Variants in SETD2 observed in about 807,000 individuals in gnomAD.
The protein encoded by SETD2 is histone-lysine N-methyltransferase SETD2.
Under a neutral mutation model 242.1 loss-of-function variants are expected in SETD2, and 31 were observed. That is an observed-to-expected ratio of 0.13 (90% CI 0.10 to 0.17). The LOEUF (loss-of-function observed/expected upper bound fraction) is 0.17. Ranked by LOEUF, SETD2 falls within the 10% of genes least tolerant of loss-of-function variation. The pLI is 1.00. For synonymous variants in SETD2, 1,006 were observed against 1,066.5 expected (o/e 0.94, Z 1.11); for missense variants, 2,481 against 3,046.3 (o/e 0.81, Z 4.37).
chr3:47,061,270 A>G (rs778917010), intron 14 of SETD2, among the ~76,000 whole-genome samples: 1 of 152,204 alleles, frequency 6.6e-6, no homozygotes, highest in African/African-American at 2.4e-5. Flanking sequence ...ATACAAACCT[A>G]TAGTAACCAA....
rs371777668 is a variant in SETD2 at position 47,121,654 on chromosome 3, A to T, written c.2982T>A (p.Asp994Glu). 33 of 1,613,412 alleles carry T rather than the reference A, an allele frequency of 2.0e-5. No homozygotes were observed. Among genetic ancestry groups the T allele is most frequent in the Non-Finnish European group, 2.7e-5 (32 of 1,179,402 alleles). ...AAGAAGAAAATACAACTTCTGAGTCATCAGAAGTATGCACATGTCCTCCTT... is the reference window on the plus strand; with the variant it reads ...AAGAAGAAAATACAACTTCTGAGTCTTCAGAAGTATGCACATGTCCTCCTT... ...RGEGGHVHTS[D>E]DSEVVFSSCD... The change falls in exon 3 of 21, where the codon GAT becomes GAA. Residue 994 changes from aspartate (D) to glutamate (E), a missense_variant. Physicochemically the swap from Asp to Glu is conservative, Grantham distance 45. This residue lies in a region of SETD2 where 1,300 missense variants were observed against 1,259.2 expected (regional missense o/e 1.03). Transcript: ENST00000409792.
rs561582497 is a variant in SETD2, at chr3:47,092,604, C to T, written c.5143-4357G>A. Among the ~76,000 whole-genome samples the T allele has an allele frequency of 5.3e-5, 8 of 150,892 alleles. No homozygotes were observed. The South Asian group carries it at 1.7e-3, about 32-fold the overall frequency. On this transcript the variant is annotated intron_variant, in intron 9 of 20. Transcript: ENST00000409792. ...CATATATATGCACAATTCTATAGTA[C>T]TTGAAAATGTATTAAGTACCTAATC...
chr3:47,161,131 C>A (rs1230801317), intron 1 of SETD2, among the ~76,000 whole-genome samples: 1 of 152,150 alleles, frequency 6.6e-6, no homozygotes, highest in Non-Finnish European at 1.5e-5. Flanking sequence ...AGCCATGTTG[C>A]CCACCTAGTC....
At chr3:47,108,140 T>C (rs972352071) in intron 5 of SETD2, among the ~76,000 whole-genome samples, 1 of 151,870 alleles carries the variant, frequency 6.6e-6, no homozygotes, top group Non-Finnish European at 1.5e-5. Flanking sequence ...TTAAAAAATG[T>C]TTTAAAACAT....
chr3:47,070,182 C>T (rs191634720), intron 12 of SETD2, among the ~76,000 whole-genome samples: 8 of 152,262 alleles, frequency 5.3e-5, no homozygotes. Context: ...CCACCAGAAA[C>T]GCTTCTCAAA....
Position 47,121,014 on chromosome 3 carries a change from CAGA to C in SETD2, c.3619_3621del (p.Ser1207del), listed in dbSNP as rs1559742851. ...GACTTATTTGGGACATCTTCAAAATCAGAAGAATAAATTGGCAGCTCTTCTTGC... is the reference window on the plus strand; with the variant it reads ...GACTTATTTGGGACATCTTCAAAATCAGAATAAATTGGCAGCTCTTCTTGC... On this transcript the variant is annotated inframe_deletion, in exon 3 of 21. Transcript: ENST00000409792. 2 of 1,614,178 alleles carry C rather than the reference CAGA, an allele frequency of 1.2e-6. No homozygotes were observed. Among genetic ancestry groups the C allele is most frequent in the Admixed American group, 1.7e-5 (1 of 60,022 alleles).
chr3:47,102,674 A>C (rs2042261209), intron 7 of SETD2, among the ~76,000 whole-genome samples: 1 of 150,872 alleles, frequency 6.6e-6, no homozygotes, highest in African/African-American at 2.4e-5. Context: ...CGCACGTGTA[A>C]TCCCAGCTAC....
At chr3:47,045,593 G>A (rs1372964233) in intron 16 of SETD2, among the ~76,000 whole-genome samples, 15 of 148,938 alleles carry the variant, frequency 1.0e-4, no homozygotes, top group Non-Finnish European at 3.0e-5. Context: ...AGCTACTCAG[G>A]AGGCTGAGAC....
At chr3:47,151,528 T>C (rs772575994) in intron 1 of SETD2, among the ~76,000 whole-genome samples, 1 of 152,082 alleles carries the variant, frequency 6.6e-6, no homozygotes, top group African/African-American at 2.4e-5. Context: ...GACACCATCA[T>C]GATCTTCTCT....
At chr3:47,159,437 CAT>C (rs1175848162) in intron 1 of SETD2, among the ~76,000 whole-genome samples, 2 of 152,220 alleles carry the variant, frequency 1.3e-5, no homozygotes, top group African/African-American at 4.8e-5. Flanking sequence ...TCCTCTCTCA[CAT>C]GTCATATTAG....
intron 3 of SETD2, among the ~76,000 whole-genome samples, chr3:47,119,169 G>T (rs904721131): frequency 6.6e-6 from 1 of 152,122 alleles, no homozygotes; most frequent in East Asian, 1.9e-4. Context: ...TTTTGTTTTG[G>T]TTTTTTAAGC....
chr3:47,066,638 C>G (rs555656247), intron 13 of SETD2, among the ~76,000 whole-genome samples: 3 of 151,932 alleles, frequency 2.0e-5, no homozygotes, highest in African/African-American at 7.3e-5. Context: ...TGTGAGCCAC[C>G]CTGCCCAGCT....
intron 12 of SETD2, among the ~76,000 whole-genome samples, chr3:47,074,640 A>G (rs574743240): frequency 9.9e-5 from 15 of 152,238 alleles, no homozygotes; most frequent in Non-Finnish European, 2.1e-4. Context: ...AGCTAAGAGT[A>G]GGAGCCCTCC....
At chr3:47,137,532 T>C (rs1009867697) in intron 1 of SETD2, among the ~76,000 whole-genome samples, 1 of 152,136 alleles carries the variant, frequency 6.6e-6, no homozygotes, top group Non-Finnish European at 1.5e-5. Context: ...GTTTATTTTT[T>C]ATTTATAAAT....
At position 47,146,015 on chromosome 3, in the gene SETD2, C is replaced by CAAAAA. The variant is rs1171574770; in HGVS notation, c.71+17834_71+17838dup. ...TGGGTGACAGAGCGAGACCCTGTCT[C>CAAAAA]AAAAAAAAAAAAAAAAAAAAAAAAA... On this transcript the variant is annotated intron_variant, in intron 1 of 20. Coordinates refer to ENST00000409792, the MANE Select transcript of SETD2 (RefSeq NM_014159.7). 7.0e-3 allele frequency among the ~76,000 whole-genome samples: 269 copies of CAAAAA among 38,654 alleles called. 50 individuals carry two copies. The highest frequency in any genetic ancestry group is 6.3e-3 in the Non-Finnish European group (157 of 24,830). The allele number at this position is 38,654 out of a possible 152,430, so 25.4% of individuals were successfully genotyped here.
At chr3:47,131,986 C>G (rs1446186089) in intron 1 of SETD2, among the ~76,000 whole-genome samples, 1 of 151,276 alleles carries the variant, frequency 6.6e-6, no homozygotes, top group Non-Finnish European at 1.5e-5. Context: ...CCATGCTGGC[C>G]AGGCTGGTCT....
intron 5 of SETD2, among the ~76,000 whole-genome samples, chr3:47,110,390 A>T (rs1414789210): frequency 1.3e-5 from 2 of 152,226 alleles, no homozygotes; most frequent in Non-Finnish European, 2.9e-5. Context: ...ATGGTACTGA[A>T]TTGTAAACTT....
At position 47,048,608 on chromosome 3, in the gene SETD2, T is replaced by C. The variant is rs13075888; in HGVS notation, c.6964-1987A>G. Among the ~76,000 whole-genome samples, 6 of 152,306 alleles carry C rather than the reference T, an allele frequency of 3.9e-5. No individual in the cohort carries two copies. The South Asian group carries it at 8.3e-4, about 21-fold the overall frequency. ...GTAACTTACTATAACTTTTTTACTTTATAAACAAATTTTTTCAACTTTTTA... is the reference window on the plus strand; with the variant it reads ...GTAACTTACTATAACTTTTTTACTTCATAAACAAATTTTTTCAACTTTTTA... On this transcript the variant is annotated intron_variant, in intron 15 of 20. Coordinates refer to ENST00000409792, the MANE Select transcript of SETD2 (RefSeq NM_014159.7).
At position 47,122,655 on chromosome 3, in the gene SETD2, C is replaced by A. The variant is rs2106684069; in HGVS notation, c.1981G>T (p.Asp661Tyr). The A allele has an allele frequency of 1.2e-6, 2 of 1,613,210 alleles. No individual in the cohort carries two copies. The highest frequency in any genetic ancestry group is 1.7e-6 in the Non-Finnish European group (2 of 1,179,350). The change falls in exon 3 of 21, where the codon GAT becomes TAT. Residue 661 changes from aspartate (D) to tyrosine (Y), a missense_variant. Physicochemically the swap from Asp to Tyr is radical, Grantham distance 160. Around this residue, in one of 17 missense-constraint regions of SETD2, gnomAD observed 1,300 missense variants for 1,259.2 expected, o/e 1.03. Transcript: ENST00000409792. ...ATGGGACAAAAACTTCTTAATTGATCATTCTTCACTTTAGATAAAGAGTCT... is the reference window on the plus strand; with the variant it reads ...ATGGGACAAAAACTTCTTAATTGATAATTCTTCACTTTAGATAAAGAGTCT... ...ELDSLSKVKN[D>Y]QLRSFCPIEL...
Sources: gnomAD v4.1 joint callset for allele counts (sites outside exome capture counted in the v4.1 genomes callset) on GRCh38, gnomAD v4.1.1 for gene constraint, gnomAD v4.1.1 regional missense constraint, MANE v1.5 for transcripts, NCBI Gene and HGNC (gene_info 2026-07-23, HGNC 2026-07-21) for gene names.